Variants in SOD2 observed in about 807,000 individuals in gnomAD.
SOD2 encodes the protein superoxide dismutase [Mn], mitochondrial.
In SOD2, 11 loss-of-function variants were observed where a neutral mutation model predicts 27.0. The ratio of observed to expected loss-of-function variants is 0.41; its 90% confidence interval spans 0.26 to 0.67. SOD2 has a LOEUF of 0.67. SOD2 is among the 30% of genes least tolerant of loss of function. The pLI is 0.34. For missense variants in SOD2, 250 were observed against 274.5 expected (o/e 0.91, Z 0.63); for synonymous variants, 105 against 103.0 (o/e 1.02, Z -0.12).
chr6:159,706,259 A>C (rs961726240), intron 1 of SOD2, among the ~76,000 whole-genome samples: 15 of 152,254 alleles, frequency 9.9e-5, no homozygotes, highest in Non-Finnish European at 1.3e-4. Context: ...TCAAATTCAC[A>C]CATAATAATA....
chr6:159,693,268 T>A, upstream of SOD2: 1 of 1,153,484 alleles, frequency 8.7e-7, no homozygotes. Context: ...CCGCGGGCCT[T>A]AAGAAAGCGC....
Position 159,682,459 on chromosome 6 carries a change from A to C in SOD2, c.*34T>G. ...CTATACCACTACAAAAACAGTCATA[A>C]AGAGCTTAACATACTCAGCATAACG... On this transcript the variant is annotated 3_prime_UTR_variant, in exon 5 of 5. Coordinates refer to ENST00000538183, the MANE Select transcript of SOD2 (RefSeq NM_000636.4). 1 of 1,600,172 alleles carries C rather than the reference A, an allele frequency of 6.2e-7. No individual in the cohort carries two copies. The highest frequency in any genetic ancestry group is 8.5e-7 in the Non-Finnish European group (1 of 1,172,726).
chr6:159,685,854 A>C (rs932513975), intron 3 of SOD2, among the ~76,000 whole-genome samples: 1 of 152,196 alleles, frequency 6.6e-6, no homozygotes, highest in African/African-American at 2.4e-5. Context: ...TTTTTTAATG[A>C]ATCGTGTTAG....
At position 159,682,620 on chromosome 6, in the gene SOD2, C is replaced by A. The variant is rs1469862592; in HGVS notation, c.542G>T (p.Gly181Val). 1.2e-6 allele frequency: 2 copies of A among 1,612,282 alleles called. No individual in the cohort carries two copies. The highest frequency in any genetic ancestry group is 1.7e-6 in the Non-Finnish European group (2 of 1,179,424). The change falls in exon 5 of 5, where the codon GGG becomes GTG. Residue 181 changes from glycine (G) to valine (V), a missense_variant. By Grantham distance (109) the Gly-to-Val change is moderately radical. Coordinates refer to ENST00000538183, the MANE Select transcript of SOD2 (RefSeq NM_000636.4). ...GTAAGCGTGCTCCCACACATCAATC[C>A]CCAGCAGTGGAATAAGGCCTGTTAG... Reference protein sequence around the residue: ...QGTTGLIPLLGIDVWEHAYYL... With the variant: ...QGTTGLIPLLVIDVWEHAYYL...
In SOD2 at chr6:159,726,537, G is replaced by GAT. The variant is rs760076219; in HGVS notation, c.-116+591_-116+592insAT. 6.8e-5 allele frequency: 23 copies of GAT among 339,466 alleles called. 1 individual carries two copies. In the East Asian group the frequency reaches 9.9e-4, roughly 15 times the overall value. 21.0% of individuals were successfully genotyped at this position (339,466 alleles called of 1,614,324 possible). A position where few individuals can be genotyped will look rare whatever the true frequency, so the allele number is the denominator to read the frequency against. On this transcript the variant is annotated intron_variant, in intron 1 of 2. Transcript: ENST00000401980. ...TACGTGCTCTTCTAGTAAGTGTTTA[G>GAT]AGACTGTTTCACGTTCTCCAGGTAA... is the stretch of plus-strand genomic sequence containing the variant.
chr6:159,682,651 A>G lies in SOD2; in HGVS notation c.524-13T>C. On this transcript the variant is annotated splice_polypyrimidine_tract_variant and intron_variant, in intron 4 of 4. Transcript: ENST00000538183. ...AGTGGAATAAGGCCTGTTAGAAAGA[A>G]GGGGAAAACAAACCAACCATCAGTT... 6.3e-7 allele frequency: 1 copy of G among 1,599,058 alleles called. No individual in the cohort carries two copies. Among genetic ancestry groups the G allele is most frequent in the Non-Finnish European group, 8.5e-7 (1 of 1,174,744 alleles).
Position 159,675,843 on chromosome 6 carries a change from T to C in SOD2, c.*6650A>G, listed in dbSNP as rs184997642. ...AAAATGGGAGAAAATTTTTGCAATCTACTCATCTGACAAAGGGCTAATATC... is the reference window on the plus strand; with the variant it reads ...AAAATGGGAGAAAATTTTTGCAATCCACTCATCTGACAAAGGGCTAATATC... On this transcript the variant is annotated 3_prime_UTR_variant, in exon 5 of 5. Coordinates refer to ENST00000538183, the MANE Select transcript of SOD2 (RefSeq NM_000636.4). 6.6e-6 allele frequency: 1 copy of C among 152,158 alleles called. No homozygotes were observed. Among genetic ancestry groups the C allele is most frequent in the East Asian group, 1.9e-4 (1 of 5,198 alleles). The allele number at this position is 152,158 out of a possible 1,614,324, so 9.4% of individuals were successfully genotyped here.
exon 1 of SOD2, chr6:159,762,054 G>A (rs1340522983): frequency 6.2e-7 from 1 of 1,610,436 alleles, no homozygotes; most frequent in Admixed American, 1.7e-5. Flanking sequence ...TAGCTTGCAG[G>A]CAGCGCAGGG....
upstream of SOD2, chr6:159,727,839 C>G (rs1483563012): frequency 2.0e-5 from 12 of 593,682 alleles, no homozygotes; most frequent in South Asian, 7.4e-5. Flanking sequence ...ACCGGTCTCT[C>G]GTGAGCCGCT....
rs769961323 is a variant in SOD2, at chr6:159,753,662, CTT to C, written c.-335-4988_-335-4987del. Reference sequence around the variant, plus strand: ...GAACGTTGTCTCAACTTTGCATTGGCTTTTTAAAACTGCCAGTCATGAATATT... The same window carrying C: ...GAACGTTGTCTCAACTTTGCATTGGCTTTAAAACTGCCAGTCATGAATATT... On this transcript the variant is annotated intron_variant, in intron 1 of 7. Transcript: ENST00000546087. 3.2e-5 allele frequency: 49 copies of C among 1,552,880 alleles called. No individual in the cohort carries two copies. In the Admixed American group the frequency reaches 9.7e-4, roughly 31 times the overall value.
chr6:159,717,793 A>G (rs984666775), intron 1 of SOD2, among the ~76,000 whole-genome samples: 4 of 151,970 alleles, frequency 2.6e-5, no homozygotes, highest in Non-Finnish European at 5.9e-5. Flanking sequence ...GCTTTCACCT[A>G]TCAGTGAGAA....
At chr6:159,744,040 A>G (rs1779417456) in intron 1 of SOD2, among the ~76,000 whole-genome samples, 1 of 152,136 alleles carries the variant, frequency 6.6e-6, no homozygotes, top group South Asian at 2.1e-4. Context: ...GTATTAGTTC[A>G]TCAATTCCAG....
upstream of SOD2, among the ~76,000 whole-genome samples, chr6:159,695,685 A>G (rs1274805674): frequency 6.6e-6 from 1 of 152,000 alleles, no homozygotes; most frequent in Non-Finnish European, 1.5e-5. Context: ...TTGTAGAAAC[A>G]GAGTTTCTTC....
chr6:159,732,388 C>CA (rs1339826478), intron 1 of SOD2, among the ~76,000 whole-genome samples: 1 of 152,166 alleles, frequency 6.6e-6, no homozygotes, highest in Admixed American at 6.5e-5. Context: ...TTCAAACTGT[C>CA]ATTCACAGAT....
At position 159,672,017 on chromosome 6, in the gene SOD2, T is replaced by C. The variant is rs1483902080; in HGVS notation, c.*10476A>G. 6.6e-6 allele frequency: 1 copy of C among 151,938 alleles called. No individual in the cohort carries two copies. The highest frequency in any genetic ancestry group is 2.4e-5 in the African/African-American group (1 of 41,332). The allele number at this position is 151,938 out of a possible 1,614,324, so 9.4% of individuals were successfully genotyped here. A position where few individuals can be genotyped will look rare whatever the true frequency, so the allele number is the denominator to read the frequency against. On this transcript the variant is annotated 3_prime_UTR_variant, in exon 5 of 5. Transcript: ENST00000538183. ...GTGATTGAAGATCAGATGAATGAAATGAAGTGAGAAGAGAAGTTAAGAGAA... is the reference window on the plus strand; with the variant it reads ...GTGATTGAAGATCAGATGAATGAAACGAAGTGAGAAGAGAAGTTAAGAGAA...
At chr6:159,729,419 CATTGTGT>C (rs1778428749), upstream of SOD2, among the ~76,000 whole-genome samples, 1 of 152,158 alleles carries the variant, frequency 6.6e-6, no homozygotes, top group African/African-American at 2.4e-5. Flanking sequence ...TAGTAAACTT[CATTGTGT>C]ATTGTGTATA....
Position 159,670,474 on chromosome 6 carries a change from C to A in SOD2, c.*12019G>T, listed in dbSNP as rs954446510. The A allele has an allele frequency of 6.6e-6, 1 of 152,192 alleles. No individual in the cohort carries two copies. Among genetic ancestry groups the A allele is most frequent in the Admixed American group, 6.5e-5 (1 of 15,286 alleles). The allele number at this position is 152,192 out of a possible 1,614,324, so 9.4% of individuals were successfully genotyped here. On this transcript the variant is annotated 3_prime_UTR_variant, in exon 5 of 5. Coordinates refer to ENST00000538183, the MANE Select transcript of SOD2 (RefSeq NM_000636.4). ...AAGCACTACCAGCAAGTATACCCTA[C>A]TGGTTGGAGAACTTTGTTTAAAGGA...
chr6:159,710,525 T>C (rs1777714360), intron 1 of SOD2, among the ~76,000 whole-genome samples: 1 of 152,102 alleles, frequency 6.6e-6, no homozygotes, highest in Admixed American at 6.6e-5. Flanking sequence ...CATTTACCCA[T>C]TATACGGGAT....
At chr6:159,742,155 G>T in intron 1 of SOD2, 1 of 1,597,798 alleles carries the variant, frequency 6.3e-7, no homozygotes, top group South Asian at 1.1e-5. Context: ...CTGTAAGTTT[G>T]AGTTTTAGCT....
Sources: allele counts gnomAD v4.1 joint callset (sites outside exome capture counted in the v4.1 genomes callset), GRCh38; gene constraint gnomAD v4.1.1; transcripts MANE v1.5; gene names NCBI Gene and HGNC (gene_info 2026-07-23, HGNC 2026-07-21).